PAQR8: variants seen among roughly 807,000 people sequenced by gnomAD.
PAQR8 encodes the protein membrane progestin receptor beta.
PAQR8 carries 17 observed loss-of-function variants against 25.2 expected under a neutral mutation model. The observed-to-expected ratio is 0.67, with a 90% CI of 0.46 to 1.01. The LOEUF is 1.01. PAQR8 is among the 50% of genes least tolerant of loss of function. PAQR8 has a pLI of 0.00. For missense variants in PAQR8, 392 were observed against 448.4 expected (o/e 0.87, Z 1.14); for synonymous variants, 204 against 190.6 (o/e 1.07, Z -0.58).
chr6:52,378,281 C>T (rs1763508429), intron 1 of PAQR8, among the ~76,000 whole-genome samples: 1 of 152,224 alleles, frequency 6.6e-6, no homozygotes, highest in South Asian at 2.1e-4. Context: ...AATGCTATAT[C>T]TCTGGTTTCT....
rs534866033 is a variant in PAQR8, at chr6:52,392,370, G to A, written c.-52-10792G>A. On this transcript the variant is annotated intron_variant, in intron 1 of 1. Transcript: ENST00000442253. ...AAAAAAAAAAAAAAAGTGTCACATA[G>A]TGATAGAGCTAGAACTAAACATTGG... is the stretch of plus-strand genomic sequence containing the variant. Among the ~76,000 whole-genome samples, 16 of 151,666 alleles carry A rather than the reference G, an allele frequency of 1.1e-4. No individual in the cohort carries two copies. The East Asian group carries it at 3.1e-3, about 29-fold the overall frequency.
At chr6:52,381,184 G>C (rs539126753) in intron 1 of PAQR8, among the ~76,000 whole-genome samples, 23 of 152,338 alleles carry the variant, frequency 1.5e-4, no homozygotes, top group Admixed American at 7.2e-4. Flanking sequence ...ATGGCTGTTT[G>C]TAACTCTCTT....
Sources: gnomAD v4.1 joint callset for allele counts (sites outside exome capture counted in the v4.1 genomes callset) on GRCh38, gnomAD v4.1.1 for gene constraint, MANE v1.5 for transcripts, NCBI Gene and HGNC (gene_info 2026-07-23, HGNC 2026-07-21) for gene names.